Variants in DTWD2 observed in about 807,000 individuals in gnomAD.
DTWD2 encodes the protein DTW motif tRNA-uridine aminocarboxypropyltransferase 2.
DTWD2 carries 39 observed loss-of-function variants against 31.8 expected under a neutral mutation model. The ratio of observed to expected loss-of-function variants is 1.22; its 90% CI spans 0.95 to 1.60. The LOEUF (loss-of-function observed/expected upper bound fraction) is 1.60. DTWD2 is among the 40% of genes most tolerant of loss of function. The probability of loss-of-function intolerance (pLI) is 0.00; values close to 1 mark genes in which losing one functional copy is unlikely to be tolerated. For synonymous variants in DTWD2, 180 were observed against 142.8 expected (o/e 1.26, Z -1.86); for missense variants, 515 against 381.5 (o/e 1.35, Z -2.92).
chr5:118,963,770 C>T (rs1159053285), intron 1 of DTWD2, among the ~76,000 whole-genome samples: 1 of 152,134 alleles, frequency 6.6e-6, no homozygotes, highest in Non-Finnish European at 1.5e-5. Flanking sequence ...AGGGGTCCCT[C>T]CCACCTCTGC....
intron 4 of DTWD2, among the ~76,000 whole-genome samples, chr5:118,910,962 G>T (rs183600333): frequency 6.6e-6 from 1 of 152,260 alleles, no homozygotes; most frequent in East Asian, 1.9e-4. Context: ...GAGGTCTCAT[G>T]ACCTAACCTC....
intron 1 of DTWD2, among the ~76,000 whole-genome samples, chr5:118,945,750 G>A (rs1239717452): frequency 1.5e-5 from 2 of 136,728 alleles, no homozygotes; most frequent in African/African-American, 6.4e-5. Flanking sequence ...GGGCGACAGA[G>A]CGAGACTCCA....
intron 4 of DTWD2, among the ~76,000 whole-genome samples, chr5:118,913,420 G>GAT (rs1008904018): frequency 3.5e-4 from 46 of 130,720 alleles, no homozygotes; most frequent in South Asian, 1.2e-3. Flanking sequence ...GATATATATA[G>GAT]ATATATATAT....
At chr5:118,851,955 G>T (rs1255693446) in intron 4 of DTWD2, among the ~76,000 whole-genome samples, 1 of 152,076 alleles carries the variant, frequency 6.6e-6, no homozygotes, top group African/African-American at 2.4e-5. Flanking sequence ...TACTGCAGGA[G>T]ACCAGGGCAT....
At chr5:118,936,721 GAA>G (rs933155166) in intron 3 of DTWD2, among the ~76,000 whole-genome samples, 1 of 150,668 alleles carries the variant, frequency 6.6e-6, no homozygotes, top group Admixed American at 6.6e-5. Flanking sequence ...ACTAAAAAAA[GAA>G]AAAAGAGAAA....
At chr5:118,878,719 AACAG>A (rs1047368362) in intron 4 of DTWD2, among the ~76,000 whole-genome samples, 1 of 152,314 alleles carries the variant, frequency 6.6e-6, no homozygotes. Flanking sequence ...CATCAGAGCA[AACAG>A]ACAATCTACA....
At chr5:118,922,374 C>A (rs143657227) in intron 4 of DTWD2, among the ~76,000 whole-genome samples, 1 of 152,202 alleles carries the variant, frequency 6.6e-6, no homozygotes, top group Non-Finnish European at 1.5e-5. Flanking sequence ...TGCCATTTTT[C>A]TCTCATACAT....
intron 3 of DTWD2, among the ~76,000 whole-genome samples, chr5:118,938,984 T>A (rs1393981054): frequency 1.3e-5 from 2 of 152,064 alleles, no homozygotes; most frequent in East Asian, 3.8e-4. Context: ...ATTCCTTTGC[T>A]TATACATTAT....
chr5:118,850,946 C>T (rs1751987295), intron 4 of DTWD2, among the ~76,000 whole-genome samples: 1 of 152,002 alleles, frequency 6.6e-6, no homozygotes, highest in Non-Finnish European at 1.5e-5. Flanking sequence ...TAGAGAAATG[C>T]AAATCAAAAC....
chr5:118,846,374 T>C (rs1443104712), intron 5 of DTWD2, among the ~76,000 whole-genome samples: 2 of 152,136 alleles, frequency 1.3e-5, no homozygotes, highest in Admixed American at 6.5e-5. Context: ...AAAGGTTATA[T>C]TTAGGATTGC....
chr5:118,921,924 A>C (rs1197083777), intron 4 of DTWD2, among the ~76,000 whole-genome samples: 1 of 152,236 alleles, frequency 6.6e-6, no homozygotes, highest in African/African-American at 2.4e-5. Flanking sequence ...CACAAGAAAA[A>C]GTTCTCATAA....
chr5:118,880,549 A>G (rs1195618890), intron 4 of DTWD2, among the ~76,000 whole-genome samples: 1 of 152,092 alleles, frequency 6.6e-6, no homozygotes, highest in East Asian at 1.9e-4. Flanking sequence ...CAATTCTCAT[A>G]TATTTGTTGG....
At chr5:118,949,561 T>C (rs557424194) in intron 1 of DTWD2, among the ~76,000 whole-genome samples, 2 of 152,326 alleles carry the variant, frequency 1.3e-5, no homozygotes, top group Non-Finnish European at 1.5e-5. Flanking sequence ...AGAGTTTATA[T>C]GCTTTAGAAG....
At chr5:118,890,492 A>G (rs2149559767) in intron 4 of DTWD2, among the ~76,000 whole-genome samples, 1 of 151,552 alleles carries the variant, frequency 6.6e-6, no homozygotes, top group South Asian at 2.1e-4. Flanking sequence ...TTGTGCTCTA[A>G]TTACATAAAT....
chr5:118,898,384 A>C (rs1753128325), intron 4 of DTWD2, among the ~76,000 whole-genome samples: 1 of 152,128 alleles, frequency 6.6e-6, no homozygotes, highest in Non-Finnish European at 1.5e-5. Context: ...ATGGCCGAGC[A>C]CAGTGGCTCA....
chr5:118,896,524 T>C (rs558715838), intron 4 of DTWD2, among the ~76,000 whole-genome samples: 1 of 151,750 alleles, frequency 6.6e-6, no homozygotes, highest in South Asian at 2.1e-4. Context: ...ATGTAACATG[T>C]TAATAAAACC....
At chr5:118,908,523 C>G (rs978602736) in intron 4 of DTWD2, among the ~76,000 whole-genome samples, 3 of 151,980 alleles carry the variant, frequency 2.0e-5, no homozygotes, top group African/African-American at 4.8e-5. Flanking sequence ...AATGTCAAAC[C>G]GTGTCTTATA....
chr5:118,887,513 G>C (rs917955080), intron 4 of DTWD2, among the ~76,000 whole-genome samples: 8 of 152,146 alleles, frequency 5.3e-5, no homozygotes, highest in African/African-American at 1.4e-4. Flanking sequence ...ACATGAGATG[G>C]TTCCCTCCAT....
At position 118,914,337 on chromosome 5, in the gene DTWD2, C is replaced by G. The variant is rs987670672; in HGVS notation, c.597+14200G>C. On this transcript the variant is annotated intron_variant, in intron 4 of 5. Coordinates refer to ENST00000510708, the MANE Select transcript of DTWD2 (RefSeq NM_173666.4). ...CCTTTCACCAGTTGAGGACAAAGCA[C>G]ACCATCTTGGAATCAGAATCACCAA... Among the ~76,000 whole-genome samples the G allele has an allele frequency of 2.0e-5, 3 of 152,160 alleles. No homozygotes were observed. In the East Asian group the frequency reaches 5.8e-4, roughly 29 times the overall value.
Sources: allele counts gnomAD v4.1 joint callset (sites outside exome capture counted in the v4.1 genomes callset), GRCh38; gene constraint gnomAD v4.1.1; transcripts MANE v1.5; gene names NCBI Gene and HGNC (gene_info 2026-07-23, HGNC 2026-07-21).